PLK5: variants seen among roughly 807,000 people sequenced by gnomAD.
The protein encoded by PLK5 is inactive serine/threonine-protein kinase PLK5.
Under a neutral mutation model 33.7 loss-of-function variants are expected in PLK5, and 28 were observed. That is an observed-to-expected ratio of 0.83 (90% confidence interval 0.62 to 1.14). The LOEUF is 1.14. Ranked by LOEUF, PLK5 falls within the 50% of genes most tolerant of loss-of-function variation. PLK5 has a pLI of 0.00. For synonymous variants in PLK5, 225 were observed against 202.2 expected (o/e 1.11, Z -0.96); for missense variants, 492 against 461.5 (o/e 1.07, Z -0.61).
intron 12 of PLK5, among the ~76,000 whole-genome samples, chr19:1,533,129 T>C (rs890442499): frequency 3.3e-5 from 5 of 152,162 alleles, no homozygotes; most frequent in Admixed American, 1.3e-4. Flanking sequence ...AACGAGACTC[T>C]GTCTCTTTTT....
rs1247511943 is a variant in PLK5 at position 1,528,896 on chromosome 19, A to G, written c.329-2A>G. On this transcript the variant is annotated splice_acceptor_variant, in intron 8 of 13. Transcript: ENST00000454744. LOFTEE classifies it high-confidence loss of function. Reference sequence around the variant, plus strand: ...CCCTCCAAGGCCTTGTGCCTCCCTCAGGCCCCTTCACGCCTAAAGAGGCCT... The same window carrying G: ...CCCTCCAAGGCCTTGTGCCTCCCTCGGGCCCCTTCACGCCTAAAGAGGCCT... 1 of 1,503,416 alleles carries G rather than the reference A, an allele frequency of 6.7e-7. No individual in the cohort carries two copies. Among genetic ancestry groups the G allele is most frequent in the African/African-American group, 1.4e-5 (1 of 71,396 alleles). The allele number at this position is 1,503,416 out of a possible 1,614,324, so 93.1% of individuals were successfully genotyped here. A position where few individuals can be genotyped will look rare whatever the true frequency, so the allele number is the denominator to read the frequency against.
Position 1,527,970 on chromosome 19 carries a change from G to A in PLK5, c.37G>A (p.Ala13Thr). ...GCTGACTGGCACCCCACCCTTCATG[G>A]CCTCACCCCTGTCGGAGATGTACCA... ...TVLTGTPPFM[A>T]SPLSEMYQNI... The change falls in exon 7 of 14, where the codon GCC becomes ACC. Residue 13 changes from alanine to threonine, a missense_variant. Physicochemically the swap from Ala to Thr is moderately conservative, Grantham distance 58 (BLOSUM62 0). Transcript: ENST00000454744. 1.3e-6 allele frequency: 2 copies of A among 1,535,942 alleles called. No individual in the cohort carries two copies. The highest frequency in any genetic ancestry group is 1.4e-5 in the African/African-American group (1 of 73,116).
In PLK5 at chr19:1,526,936, T is replaced by C. The variant is rs2145540212; in HGVS notation, c.-61T>C. On this transcript the variant is annotated 5_prime_UTR_variant, in exon 6 of 14. Transcript: ENST00000454744. ...GTGGGACCCCTAACTTCCTGGACCC[T>C]GAGGTTGTCTCCAGAAACGGTCACT... 6.5e-7 allele frequency: 1 copy of C among 1,529,960 alleles called. No homozygotes were observed. The highest frequency in any genetic ancestry group is 8.8e-7 in the Non-Finnish European group (1 of 1,142,080). 94.8% of individuals were successfully genotyped at this position (1,529,960 alleles called of 1,614,324 possible). A position where few individuals can be genotyped will look rare whatever the true frequency, so the allele number is the denominator to read the frequency against.
intron 12 of PLK5, 43 bp downstream of exon 12, chr19:1,531,926 C>G (rs1434687522): frequency 2.8e-6 from 4 of 1,421,124 alleles, no homozygotes; most frequent in Admixed American, 3.1e-5. Flanking sequence ...AGGCACTCCC[C>G]CTGCCTTTTT....
In PLK5 at chr19:1,529,155, C is replaced by T. The variant is rs1054940809; in HGVS notation, c.405+181C>T. The T allele has an allele frequency of 1.9e-5, 13 of 667,894 alleles. No homozygotes were observed. In the African/African-American group the frequency reaches 2.4e-4, roughly 12 times the overall value. The allele number at this position is 667,894 out of a possible 1,614,324, so 41.4% of individuals were successfully genotyped here. On this transcript the variant is annotated intron_variant, in intron 9 of 13. Coordinates refer to ENST00000454744, the MANE Select transcript of PLK5 (RefSeq NM_001243079.2). Reference sequence around the variant, plus strand: ...GGATCCATTTGTGTCCAAATGTGCCCACCTGGGCTTTCCCAAGGGCCGGGC... The same window carrying T: ...GGATCCATTTGTGTCCAAATGTGCCTACCTGGGCTTTCCCAAGGGCCGGGC...
intron 11 of PLK5, among the ~76,000 whole-genome samples, chr19:1,530,907 C>T (rs984730709): frequency 1.4e-4 from 21 of 151,850 alleles, no homozygotes; most frequent in Admixed American, 9.2e-4. Flanking sequence ...TATAAGCCAC[C>T]GCGCCCAGCC....
In PLK5 at chr19:1,528,303, G is replaced by T. The variant is rs1913806976; in HGVS notation, c.203G>T (p.Gly68Val). 1.3e-6 allele frequency: 2 copies of T among 1,535,696 alleles called. No homozygotes were observed. Among genetic ancestry groups the T allele is most frequent in the Non-Finnish European group, 1.7e-6 (2 of 1,146,792 alleles). The change falls in exon 8 of 14, where the codon GGT becomes GTT. Residue 68 changes from glycine to valine, a missense_variant and splice_region_variant. Gly to Val is a moderately radical substitution (Grantham distance 109). Transcript: ENST00000454744. The stretch of plus-strand genomic sequence containing the variant: ...ATAACCCCAAATCCCCATCCAAAGG[G>T]TTTCACTCCAGACCGGCTGCCGGCC... Reference protein sequence around the residue: ...HLLQDDFFTQGFTPDRLPAHS... With the variant: ...HLLQDDFFTQVFTPDRLPAHS...
At chr19:1,533,709 C>T in intron 12 of PLK5, 1 of 598,908 alleles carries the variant, frequency 1.7e-6, no homozygotes, top group Non-Finnish European at 3.0e-6. Flanking sequence ...GCCCTGTGTC[C>T]TGGCCCCAGC....
At chr19:1,528,505 G>GCCCACGCCTCCCACCTGCCCACA in intron 8 of PLK5, 77 bp downstream of exon 8, 3 of 262,888 alleles carry the variant, frequency 1.1e-5, no homozygotes, top group Non-Finnish European at 1.4e-5. Context: ...ACCTGCCCAC[G>GCCCACGCCTCCCACCTGCCCACA]CCTCCCACCT....
chr19:1,534,361 G>T (rs987624032), intron 13 of PLK5, among the ~76,000 whole-genome samples: 1 of 150,590 alleles, frequency 6.6e-6, no homozygotes, highest in Non-Finnish European at 1.5e-5. Context: ...ACAAAAATTA[G>T]CTGGGCGTGG....
chr19:1,524,097 G>C lies in PLK5; in HGVS notation c.-693G>C, dbSNP rs1404641028. 1 of 151,144 alleles carries C rather than the reference G, an allele frequency of 6.6e-6. No individual in the cohort carries two copies. The highest frequency in any genetic ancestry group is 1.5e-5 in the Non-Finnish European group (1 of 67,656). The allele number at this position is 151,144 out of a possible 1,614,324, so 9.4% of individuals were successfully genotyped here. ...CCCTCAGAGCGGCCCCGGAGCGGCC[G>C]CAGCGCGGTGGTCTCGGCCCGGCTG... is the stretch of plus-strand genomic sequence containing the variant. On this transcript the variant is annotated 5_prime_UTR_variant, in exon 1 of 14. Coordinates refer to ENST00000454744, the MANE Select transcript of PLK5 (RefSeq NM_001243079.2). The surrounding 1 kb of genome is among the most constrained non-coding windows in gnomAD (Gnocchi z 4.5).
intron 3 of PLK5, 60 bp from the exon 4 acceptor site, chr19:1,526,426 C>G (rs1005212263): frequency 4.6e-6 from 1 of 216,368 alleles, no homozygotes; most frequent in Non-Finnish European, 9.5e-6. Context: ...TCAGCCATAC[C>G]ACCTTGGCCA....
Position 1,528,772 on chromosome 19 carries a change from C to T in PLK5, c.329-126C>T, listed in dbSNP as rs532236178. 3.1e-5 allele frequency: 27 copies of T among 875,890 alleles called. No homozygotes were observed. The Middle Eastern group carries it at 1.3e-3, about 44-fold the overall frequency. 54.3% of individuals were successfully genotyped at this position (875,890 alleles called of 1,614,324 possible). ...CCTCCCGCCTGCCCACACCTCCCAC[C>T]TGCCCACAACTGCCACCTGCTCCGC... On this transcript the variant is annotated intron_variant, in intron 8 of 13. Coordinates refer to ENST00000454744, the MANE Select transcript of PLK5 (RefSeq NM_001243079.2).
chr19:1,529,027 C>T, intron 9 of PLK5, 53 bp downstream of exon 9: 1 of 1,414,048 alleles, frequency 7.1e-7, no homozygotes, highest in Non-Finnish European at 9.3e-7. Flanking sequence ...GGCATGCTGG[C>T]CCCTGCTAAA....
At chr19:1,531,966 C>A (rs1281918434) in intron 12 of PLK5, 83 bp downstream of exon 12, 7 of 1,385,142 alleles carry the variant, frequency 5.1e-6, no homozygotes, top group Non-Finnish European at 6.6e-6. Context: ...TTATTAAGCA[C>A]CTACTGTGCA....
intron 6 of PLK5, 104 bp from the exon 7 acceptor site, chr19:1,527,832 T>G: frequency 8.6e-7 from 1 of 1,169,582 alleles, no homozygotes; most frequent in Non-Finnish European, 1.2e-6. Context: ...AGGAAGCCGA[T>G]ATGGGTTGCA....
At chr19:1,533,160 T>C (rs1196159747) in intron 12 of PLK5, among the ~76,000 whole-genome samples, 1 of 151,598 alleles carries the variant, frequency 6.6e-6, no homozygotes, top group African/African-American at 2.4e-5. Flanking sequence ...AGTTGTGCTC[T>C]TGTTGCCCAG....
intron 12 of PLK5, 32 bp from the exon 13 acceptor site, chr19:1,533,899 C>G: frequency 6.7e-7 from 1 of 1,488,642 alleles, no homozygotes; most frequent in Non-Finnish European, 9.0e-7. Context: ...ACGCCCCCTG[C>G]GTCACGTGAC....
intron 13 of PLK5, among the ~76,000 whole-genome samples, chr19:1,534,421 C>T (rs936966058): frequency 2.0e-5 from 3 of 146,402 alleles, no homozygotes; most frequent in Non-Finnish European, 3.0e-5. Context: ...GCAGGAGAAT[C>T]GCTTGAACCT....
Sources: allele counts gnomAD v4.1 joint callset (sites outside exome capture counted in the v4.1 genomes callset), GRCh38; gene constraint gnomAD v4.1.1; non-coding constraint Gnocchi (gnomAD v3.1); transcripts MANE v1.5; gene names NCBI Gene and HGNC (gene_info 2026-07-23, HGNC 2026-07-21).